The following GUCY1A2 variants were observed in gnomAD, a reference collection of about 807,000 sequenced individuals.
GUCY1A2 encodes guanylate cyclase soluble subunit alpha-2.
Under a neutral mutation model 63.5 loss-of-function variants are expected in GUCY1A2, and 27 were observed. The ratio of observed to expected loss-of-function variants is 0.43; its 90% confidence interval spans 0.31 to 0.59. The LOEUF (loss-of-function observed/expected upper bound fraction) is 0.59, where lower values mean the gene tolerates loss of function less well. GUCY1A2 is among the 20% of genes least tolerant of loss of function. GUCY1A2 has a pLI of 0.11. For synonymous variants in GUCY1A2, 364 were observed against 343.5 expected, an observed-to-expected ratio of 1.06 and a Z score of -0.66; for missense variants, 768 against 913.3, an observed-to-expected ratio of 0.84 and a Z score of 2.05.
chr11:106,964,888 G>A (rs545686314), intron 3 of GUCY1A2, among the ~76,000 whole-genome samples: 1 of 152,224 alleles, frequency 6.6e-6, no homozygotes, highest in African/African-American at 2.4e-5. Context: ...GCTGAGGTAG[G>A]AGAATGGCAT....
intron 6 of GUCY1A2, among the ~76,000 whole-genome samples, chr11:106,740,624 T>C (rs1273710299): frequency 6.9e-6 from 1 of 144,864 alleles, no homozygotes; most frequent in Non-Finnish European, 1.5e-5. Flanking sequence ...CTCTTCTCTT[T>C]ACACTCTCCT....
Position 106,866,810 on chromosome 11 carries a change from T to C in GUCY1A2, c.1207-56332A>G, listed in dbSNP as rs1245517554. Among the ~76,000 whole-genome samples, 3 of 152,046 alleles carry C rather than the reference T, an allele frequency of 2.0e-5. No individual in the cohort carries two copies. The East Asian group carries it at 5.8e-4, about 29-fold the overall frequency. On this transcript the variant is annotated intron_variant, in intron 4 of 7. Transcript: ENST00000526355. ...GGAATAACACAGAGAGAATCTTTTC[T>C]GAAATGCAGACAATGAGGATCTTAC...
intron 4 of GUCY1A2, among the ~76,000 whole-genome samples, chr11:106,844,450 G>T (rs1232041916): frequency 6.6e-6 from 1 of 151,600 alleles, no homozygotes. Flanking sequence ...TCTTCAATTT[G>T]GCTCTTCTCC....
chr11:106,885,716 T>C (rs1483262507), intron 4 of GUCY1A2, among the ~76,000 whole-genome samples: 4 of 152,120 alleles, frequency 2.6e-5, no homozygotes, highest in Non-Finnish European at 5.9e-5. Context: ...ATAGATTATA[T>C]GAGATAACAA....
intron 4 of GUCY1A2, among the ~76,000 whole-genome samples, chr11:106,922,302 CAT>C (rs1420241087): frequency 2.0e-5 from 3 of 152,010 alleles, no homozygotes; most frequent in African/African-American, 7.2e-5. Context: ...GCCCTCCAAA[CAT>C]AGGATAAAGT....
At chr11:106,966,744 T>C (rs773755069) in intron 3 of GUCY1A2, among the ~76,000 whole-genome samples, 10 of 152,158 alleles carry the variant, frequency 6.6e-5, no homozygotes, top group Non-Finnish European at 1.2e-4. Flanking sequence ...TTAAAGAAAT[T>C]GTATAAATTT....
intron 4 of GUCY1A2, among the ~76,000 whole-genome samples, chr11:106,882,613 T>C (rs145090345): frequency 0.013 from 1,954 of 152,186 alleles, 28 homozygotes; most frequent in South Asian, 0.048. Context: ...TTTATAAATC[T>C]AATCCATAAG....
chr11:106,924,040 G>C (rs1459998138), intron 4 of GUCY1A2, among the ~76,000 whole-genome samples: 1 of 152,046 alleles, frequency 6.6e-6, no homozygotes, highest in Non-Finnish European at 1.5e-5. Context: ...GATGATATTA[G>C]GAATTTTCTT....
chr11:106,880,336 G>A (rs1859806561), intron 4 of GUCY1A2, among the ~76,000 whole-genome samples: 1 of 152,016 alleles, frequency 6.6e-6, no homozygotes, highest in South Asian at 2.1e-4. Context: ...AATGATGGTT[G>A]CCACGTGAAG....
chr11:106,976,771 C>T (rs1375482500), intron 3 of GUCY1A2, among the ~76,000 whole-genome samples: 1 of 152,042 alleles, frequency 6.6e-6, no homozygotes, highest in Non-Finnish European at 1.5e-5. Context: ...AAATCTAAAC[C>T]CTGTTACATG....
At chr11:106,714,929 C>T (rs1242362817) in intron 6 of GUCY1A2, among the ~76,000 whole-genome samples, 3 of 152,020 alleles carry the variant, frequency 2.0e-5, no homozygotes, top group Non-Finnish European at 4.4e-5. Flanking sequence ...AATATAAATG[C>T]TTTCATCTGA....
intron 1 of GUCY1A2, among the ~76,000 whole-genome samples, chr11:107,009,626 A>G (rs1300998811): frequency 6.6e-6 from 1 of 152,248 alleles, no homozygotes; most frequent in African/African-American, 2.4e-5. Flanking sequence ...AATTAAAGCT[A>G]CAAATGGTGA....
chr11:106,806,011 G>A (rs1419997797), intron 5 of GUCY1A2, among the ~76,000 whole-genome samples: 2 of 152,028 alleles, frequency 1.3e-5, no homozygotes, highest in Non-Finnish European at 2.9e-5. Context: ...TATTCAAGGA[G>A]GGATTATATG....
At chr11:106,747,180 G>T (rs1288814658) in intron 6 of GUCY1A2, among the ~76,000 whole-genome samples, 4 of 152,094 alleles carry the variant, frequency 2.6e-5, no homozygotes, top group Non-Finnish European at 5.9e-5. Context: ...AGTAGAGATG[G>T]AGTTTCACCG....
At chr11:106,882,849 C>G (rs568498939) in intron 4 of GUCY1A2, among the ~76,000 whole-genome samples, 2 of 151,938 alleles carry the variant, frequency 1.3e-5, no homozygotes, top group South Asian at 4.1e-4. Flanking sequence ...TAATTAGAGA[C>G]GTGATATTAA....
chr11:107,013,837 T>C (rs1861781930), intron 1 of GUCY1A2, among the ~76,000 whole-genome samples: 2 of 152,192 alleles, frequency 1.3e-5, no homozygotes, highest in African/African-American at 4.8e-5. Context: ...GTTCTTATGT[T>C]TTCCCTTTAT....
At chr11:106,808,086 C>T (rs991163222) in intron 5 of GUCY1A2, among the ~76,000 whole-genome samples, 1 of 152,106 alleles carries the variant, frequency 6.6e-6, no homozygotes, top group Non-Finnish European at 1.5e-5. Context: ...TTAATAAACT[C>T]CCTTTCATAT....
At chr11:106,791,323 C>T (rs1864655954) in intron 5 of GUCY1A2, among the ~76,000 whole-genome samples, 1 of 152,218 alleles carries the variant, frequency 6.6e-6, no homozygotes, top group Admixed American at 6.5e-5. Context: ...ACAAATTTCT[C>T]CATGCTTTGC....
chr11:106,709,423 A>ATATATAAGTATATATAATAATATATATTC (rs1863001112), intron 6 of GUCY1A2, among the ~76,000 whole-genome samples: 2 of 89,410 alleles, frequency 2.2e-5, no homozygotes, highest in South Asian at 2.8e-4. Flanking sequence ...TGTATATATT[A>ATATATAAGTATATATAATAATATATATTC]TATATAAGTA....
Sources: gnomAD v4.1 joint callset for allele counts (sites outside exome capture counted in the v4.1 genomes callset) on GRCh38, gnomAD v4.1.1 for gene constraint, MANE v1.5 for transcripts, NCBI Gene and HGNC (gene_info 2026-07-23, HGNC 2026-07-21) for gene names.